The following ELF2 variants were observed in gnomAD, a reference collection of about 807,000 sequenced individuals.
ELF2 encodes ETS-related transcription factor Elf-2.
A neutral mutation model predicts 54.8 loss-of-function variants in ELF2; 11 were observed. The ratio of observed to expected loss-of-function variants is 0.20; its 90% CI spans 0.13 to 0.33. The LOEUF (loss-of-function observed/expected upper bound fraction) is 0.33. Among genes scored for constraint, ELF2 ranks in the 10% least tolerant of loss-of-function variants. The probability of loss-of-function intolerance (pLI) is 1.00; values close to 1 mark genes in which losing one functional copy is unlikely to be tolerated. For missense variants in ELF2, 513 were observed against 703.0 expected (o/e 0.73, Z 3.06); for synonymous variants, 203 against 245.1 (o/e 0.83, Z 1.61).
At chr4:139,062,644 T>G (rs980492783) in intron 7 of ELF2, among the ~76,000 whole-genome samples, 1 of 152,264 alleles carries the variant, frequency 6.6e-6, no homozygotes, top group Non-Finnish European at 1.5e-5. Flanking sequence ...AGAATCAAAT[T>G]TATTAGTTTA....
chr4:139,177,203 T>A lies in ELF2; in HGVS notation c.-488A>T, dbSNP rs1485567100. 1 of 150,840 alleles carries A rather than the reference T, an allele frequency of 6.6e-6. No individual in the cohort carries two copies. Among genetic ancestry groups the A allele is most frequent in the Middle Eastern group, 3.5e-3 (1 of 286 alleles). The allele number at this position is 150,840 out of a possible 1,614,324, so 9.3% of individuals were successfully genotyped here. Reference sequence around the variant, plus strand: ...TAGGCGACGGCGGCGACACAGAGCTTGGCGCTGGGAGCAATGGTTGCCCCC... The same window carrying A: ...TAGGCGACGGCGGCGACACAGAGCTAGGCGCTGGGAGCAATGGTTGCCCCC... On this transcript the variant is annotated 5_prime_UTR_variant, in exon 1 of 10. Transcript: ENST00000686138.
intron 1 of ELF2, among the ~76,000 whole-genome samples, chr4:139,140,140 CTA>C (rs1488429743): frequency 6.6e-6 from 1 of 152,106 alleles, no homozygotes; most frequent in Admixed American, 6.6e-5. Context: ...TAAGATATTG[CTA>C]TGTTACCCAG....
At chr4:139,100,500 G>A (rs928842456) in intron 4 of ELF2, 9 of 152,150 alleles carry the variant, frequency 5.9e-5, no homozygotes, top group Non-Finnish European at 4.4e-5. Flanking sequence ...CACTAAGTTC[G>A]GCATAAACGT....
intron 3 of ELF2, among the ~76,000 whole-genome samples, chr4:139,127,118 T>C (rs1319641672): frequency 6.6e-6 from 1 of 152,238 alleles, no homozygotes; most frequent in Non-Finnish European, 1.5e-5. Context: ...CTTACCTTCA[T>C]GTACCTACTC....
chr4:139,103,326 C>G (rs1164310074), intron 4 of ELF2, among the ~76,000 whole-genome samples: 1 of 152,146 alleles, frequency 6.6e-6, no homozygotes, highest in East Asian at 1.9e-4. Flanking sequence ...TAGGTATCTT[C>G]AGGATGGGGG....
At chr4:139,069,651 C>T (rs975027485) in intron 6 of ELF2, among the ~76,000 whole-genome samples, 14 of 152,124 alleles carry the variant, frequency 9.2e-5, no homozygotes, top group African/African-American at 3.4e-4. Context: ...GCTATCTTCT[C>T]TTGGAAGACA....
chr4:139,125,221 A>G lies in ELF2; in HGVS notation c.181T>C (p.Tyr61His). 6.2e-7 allele frequency: 1 copy of G among 1,613,890 alleles called. No homozygotes were observed. The highest frequency in any genetic ancestry group is 8.5e-7 in the Non-Finnish European group (1 of 1,179,946). ...TCTTCTGCCACATCTTGCATCATAT[A>G]AGTCTCATCATCATAAACCAGAACC... ...AQVLVYDDET[Y>H]MMQDVAEEQE... is the part of the protein sequence containing the mutation. Residue 61 changes from tyrosine to histidine, a missense_variant, in exon 4 of 10, where the codon TAT becomes CAT. Transcript: ENST00000686138.
intron 2 of ELF2, among the ~76,000 whole-genome samples, chr4:139,138,599 T>C (rs1259171109): frequency 6.6e-6 from 1 of 152,210 alleles, no homozygotes; most frequent in Non-Finnish European, 1.5e-5. Context: ...TCCTTAAATA[T>C]TTCATTCTTC....
chr4:139,067,842 C>G lies in ELF2; in HGVS notation c.527-72G>C, dbSNP rs374314962. 3.8e-5 allele frequency: 52 copies of G among 1,382,500 alleles called. No homozygotes were observed. In the East Asian group the frequency reaches 8.3e-4, roughly 22 times the overall value. The allele number at this position is 1,382,500 out of a possible 1,614,324, so 85.6% of individuals were successfully genotyped here. A position where few individuals can be genotyped will look rare whatever the true frequency, so the allele number is the denominator to read the frequency against. ...ATGAGAGGCACGATTAGCAGACTTT[C>G]TGATTACACATTATTCATTTAAATG... is the stretch of plus-strand genomic sequence containing the variant. On this transcript the variant is annotated intron_variant, in intron 6 of 9. Transcript: ENST00000686138.
chr4:139,158,732 G>A (rs1740797997), intron 1 of ELF2, among the ~76,000 whole-genome samples: 2 of 152,150 alleles, frequency 1.3e-5, no homozygotes, highest in African/African-American at 4.8e-5. Context: ...AAAGGACTAA[G>A]AATTGGGAGG....
chr4:139,121,189 A>G lies in ELF2; in HGVS notation c.238+3975T>C, dbSNP rs1018863487. On this transcript the variant is annotated intron_variant, in intron 4 of 9. Coordinates refer to ENST00000686138, the MANE Select transcript of ELF2 (RefSeq NM_001331036.3). ...AGTGGCGCGATCTCGGCTCACTGCA[A>G]GCTCCGCCTCCCGGGTTCACGCCAT... Among the ~76,000 whole-genome samples, 46 of 137,442 alleles carry G rather than the reference A, an allele frequency of 3.3e-4. 1 individual carries two copies. In the East Asian group the frequency reaches 4.5e-3, roughly 13 times the overall value. 90.2% of individuals were successfully genotyped at this position (137,442 alleles called of 152,430 possible). A position where few individuals can be genotyped will look rare whatever the true frequency, so the allele number is the denominator to read the frequency against.
At chr4:139,158,469 A>G (rs576456717) in intron 1 of ELF2, among the ~76,000 whole-genome samples, 36 of 152,208 alleles carry the variant, frequency 2.4e-4, no homozygotes, top group African/African-American at 5.5e-4. Context: ...ATGGAGAGAT[A>G]GTGGGCAATG....
At chr4:139,139,611 G>C (rs1004639368) in intron 1 of ELF2, 114 bp from the exon 2 acceptor site, 5 of 417,874 alleles carry the variant, frequency 1.2e-5, no homozygotes, top group African/African-American at 1.0e-4. Context: ...CACTTCCAAA[G>C]CCATATGTCG....
At chr4:139,116,036 GT>G (rs1177177687) in intron 4 of ELF2, among the ~76,000 whole-genome samples, 2 of 152,046 alleles carry the variant, frequency 1.3e-5, no homozygotes, top group African/African-American at 4.8e-5. Flanking sequence ...TACAGATGGG[GT>G]TTTGCCAAGT....
At chr4:139,133,577 C>T (rs1179126623) in intron 3 of ELF2, among the ~76,000 whole-genome samples, 1 of 151,956 alleles carries the variant, frequency 6.6e-6, no homozygotes, top group East Asian at 1.9e-4. Flanking sequence ...TGTGTCTCAA[C>T]AGTATTTATA....
Position 139,151,028 on chromosome 4 carries a change from AAAAAAAAGAAAGAAAGAAAG to A in ELF2, c.-251-11551_-251-11532del, listed in dbSNP as rs1178993463. Among the ~76,000 whole-genome samples the A allele has an allele frequency of 7.6e-5, 8 of 105,294 alleles. 1 individual carries two copies. Among genetic ancestry groups the A allele is most frequent in the African/African-American group, 3.4e-4 (6 of 17,544 alleles). The allele number at this position is 105,294 out of a possible 152,430, so 69.1% of individuals were successfully genotyped here. ...GACGGAACGAGGCTCCATCTCAAAAAAAAAAAAGAAAGAAAGAAAGAAAGAAAGAAAGAAAGAAAGAAAGA... is the reference window on the plus strand; with the variant it reads ...GACGGAACGAGGCTCCATCTCAAAAAAAAGAAAGAAAGAAAGAAAGAAAGA... On this transcript the variant is annotated intron_variant, in intron 1 of 9. Transcript: ENST00000686138.
At chr4:139,167,881 T>C (rs763268795) in intron 1 of ELF2, among the ~76,000 whole-genome samples, 1 of 152,162 alleles carries the variant, frequency 6.6e-6, no homozygotes, top group Non-Finnish European at 1.5e-5. Flanking sequence ...CCAAGATAAT[T>C]GAACAAGGGG....
intron 7 of ELF2, among the ~76,000 whole-genome samples, chr4:139,064,294 G>A (rs773661734): frequency 6.6e-6 from 1 of 152,206 alleles, no homozygotes; most frequent in Non-Finnish European, 1.5e-5. Flanking sequence ...CTGCCTGAGC[G>A]ACAGAACGAG....
intron 4 of ELF2, among the ~76,000 whole-genome samples, chr4:139,093,600 AACG>A (rs1284901842): frequency 1.3e-5 from 2 of 152,194 alleles, no homozygotes; most frequent in Non-Finnish European, 2.9e-5. Context: ...TTTATCCTCA[AACG>A]ACAAGACTTC....
Sources: gnomAD v4.1 joint callset for allele counts (sites outside exome capture counted in the v4.1 genomes callset) on GRCh38, gnomAD v4.1.1 for gene constraint, MANE v1.5 for transcripts, NCBI Gene and HGNC (gene_info 2026-07-23, HGNC 2026-07-21) for gene names.